TNFRSF10A: variants seen among roughly 807,000 people sequenced by gnomAD.
TNFRSF10A encodes tumor necrosis factor receptor superfamily member 10A.
In TNFRSF10A, 44 loss-of-function variants were observed where a neutral mutation model predicts 42.8. That is an observed-to-expected ratio of 1.03 (90% CI 0.81 to 1.32). TNFRSF10A has a LOEUF of 1.32. TNFRSF10A is among the 40% of genes most tolerant of loss of function. The pLI is 0.00. For missense variants in TNFRSF10A, 680 were observed against 602.0 expected, an observed-to-expected ratio of 1.13 and a Z score of -1.36; for synonymous variants, 259 against 234.2, an observed-to-expected ratio of 1.11 and a Z score of -0.97.
intron 2 of TNFRSF10A, among the ~76,000 whole-genome samples, chr8:23,209,456 A>C (rs962396972): frequency 2.0e-5 from 3 of 152,230 alleles, no homozygotes; most frequent in African/African-American, 7.2e-5. Context: ...GCAGACACTC[A>C]ACACCGGCAC....
intron 9 of TNFRSF10A, among the ~76,000 whole-genome samples, chr8:23,194,343 T>C (rs192683485): frequency 6.6e-6 from 1 of 152,230 alleles, no homozygotes. Context: ...GTGACTTAAG[T>C]AAATCCTTAC....
rs774706934 is a variant in TNFRSF10A at position 23,199,238 on chromosome 8, G to C, written c.1014+28C>G. ...ATGGCCTTCACCCCCTGCCTACAAG[G>C]TCTTGGAGGGGCCTGTCCCCAACTC... On this transcript the variant is annotated intron_variant, in intron 8 of 9. Coordinates refer to ENST00000221132, the MANE Select transcript of TNFRSF10A (RefSeq NM_003844.4). 1.9e-6 allele frequency: 3 copies of C among 1,601,964 alleles called. No individual in the cohort carries two copies. The Admixed American group carries it at 5.0e-5, about 27-fold the overall frequency.
intron 2 of TNFRSF10A, among the ~76,000 whole-genome samples, chr8:23,210,581 C>G (rs764839353): frequency 6.6e-6 from 1 of 152,130 alleles, no homozygotes; most frequent in Non-Finnish European, 1.5e-5. Flanking sequence ...ACTTGGAAGG[C>G]TGAGGCAGGA....
chr8:23,209,189 G>A (rs1454484247), intron 2 of TNFRSF10A, among the ~76,000 whole-genome samples: 2 of 152,224 alleles, frequency 1.3e-5, no homozygotes, highest in Non-Finnish European at 2.9e-5. Flanking sequence ...AAGAATTGAG[G>A]TTTGGGAACC....
At chr8:23,215,497 G>C (rs1195225352) in intron 1 of TNFRSF10A, among the ~76,000 whole-genome samples, 1 of 150,918 alleles carries the variant, frequency 6.6e-6, no homozygotes, top group Non-Finnish European at 1.5e-5. Context: ...GACAGAGCGA[G>C]ACTCCGACTC....
At chr8:23,200,808 G>T in intron 4 of TNFRSF10A, 48 bp from the exon 5 acceptor site, 1 of 1,565,054 alleles carries the variant, frequency 6.4e-7, no homozygotes, top group South Asian at 1.1e-5. Flanking sequence ...TGGAAAGCTG[G>T]CCAGGTGGGA....
At chr8:23,199,514 C>G in intron 7 of TNFRSF10A, 66 bp from the exon 8 acceptor site, 1 of 1,563,266 alleles carries the variant, frequency 6.4e-7, no homozygotes, top group Non-Finnish European at 8.7e-7. Flanking sequence ...CCGTAGGGCA[C>G]GGCTGGACCT....
rs1176855950 is a variant in TNFRSF10A at position 23,201,973 on chromosome 8, C to A, written c.518-54G>T. On this transcript the variant is annotated intron_variant, in intron 3 of 9. Coordinates refer to ENST00000221132, the MANE Select transcript of TNFRSF10A (RefSeq NM_003844.4). ...TGTGTTTCCCTGACGTGTCCCTTGA[C>A]CTTTCCTCACCACCCCAACTCCCTC... 12 of 1,501,522 alleles carry A rather than the reference C, an allele frequency of 8.0e-6. No individual in the cohort carries two copies. The East Asian group carries it at 2.7e-4, about 34-fold the overall frequency. 93.0% of individuals were successfully genotyped at this position (1,501,522 alleles called of 1,614,324 possible).
intron 1 of TNFRSF10A, among the ~76,000 whole-genome samples, chr8:23,221,633 C>T (rs1011110713): frequency 2.6e-5 from 4 of 152,178 alleles, no homozygotes; most frequent in African/African-American, 9.6e-5. Flanking sequence ...CTGGCCCCAG[C>T]CGACCACAGT....
chr8:23,207,952 G>T (rs1801042593), intron 2 of TNFRSF10A, among the ~76,000 whole-genome samples: 1 of 151,812 alleles, frequency 6.6e-6, no homozygotes, highest in African/African-American at 2.4e-5. Context: ...AGAGTGGGGA[G>T]CTGCTGAAAA....
intron 1 of TNFRSF10A, among the ~76,000 whole-genome samples, chr8:23,213,436 CTTTTTTTTTTTTTTTTT>C (rs58691757): frequency 2.9e-5 from 2 of 68,668 alleles, no homozygotes; most frequent in Non-Finnish European, 5.2e-5. Context: ...GTTTGCTCCT[CTTTTTTTTTTTTTTTTT>C]TTTTTTTTTT....
chr8:23,202,505 A>G, intron 3 of TNFRSF10A, 143 bp downstream of exon 3: 1 of 634,484 alleles, frequency 1.6e-6, no homozygotes, highest in Non-Finnish European at 2.9e-6. Context: ...GTTTCATTTT[A>G]TGGACCTAAG....
chr8:23,194,647 G>A (rs1348544208), intron 9 of TNFRSF10A, among the ~76,000 whole-genome samples: 1 of 152,182 alleles, frequency 6.6e-6, no homozygotes, highest in Non-Finnish European at 1.5e-5. Flanking sequence ...GTGAGCACCT[G>A]ATGTTCACTG....
intron 6 of TNFRSF10A, 89 bp from the exon 7 acceptor site, chr8:23,200,006 G>A: frequency 2.0e-6 from 3 of 1,534,406 alleles, no homozygotes; most frequent in Non-Finnish European, 2.7e-6. Flanking sequence ...GGGTGGGCTG[G>A]GGGCTGGGAC....
At chr8:23,212,330 C>G (rs1461329237) in intron 1 of TNFRSF10A, 118 bp from the exon 2 acceptor site, 1 of 861,026 alleles carries the variant, frequency 1.2e-6, no homozygotes, top group African/African-American at 1.7e-5. Context: ...CATCTTTCTC[C>G]CAGTTCTAAA....
chr8:23,199,140 C>T, intron 8 of TNFRSF10A, 126 bp downstream of exon 8: 1 of 1,178,156 alleles, frequency 8.5e-7, no homozygotes, highest in Non-Finnish European at 1.2e-6. Context: ...GCTGCTTTTT[C>T]CCACGCAGCC....
chr8:23,196,440 C>T (rs1800824387), intron 9 of TNFRSF10A, among the ~76,000 whole-genome samples: 1 of 152,138 alleles, frequency 6.6e-6, no homozygotes, highest in South Asian at 2.1e-4. Flanking sequence ...TTGTGATTCG[C>T]CCGCCTCGGC....
chr8:23,212,311 C>A (rs1368151513), intron 1 of TNFRSF10A, 99 bp from the exon 2 acceptor site: 1 of 1,004,332 alleles, frequency 1.0e-6, no homozygotes, highest in Non-Finnish European at 1.6e-6. Context: ...CAAAATTAGA[C>A]AGAACTTGCA....
In TNFRSF10A at chr8:23,199,295, G is replaced by A; in HGVS notation, c.985C>T (p.Gln329Ter). Residue 329 changes from glutamine to a stop codon, truncating the protein, a stop_gained, in exon 8 of 10, where the codon CAG becomes TAG. Coordinates refer to ENST00000221132, the MANE Select transcript of TNFRSF10A (RefSeq NM_003844.4). LOFTEE classifies it high-confidence loss of function. ...EPADLTGVTV[Q>*]SPGEAQCLLG... ...AGACACTGTGCCTCCCCTGGGGACT[G>A]TACAGTGACACCTGTCAAATCTGCC... 1 of 1,614,182 alleles carries A rather than the reference G, an allele frequency of 6.2e-7. No individual in the cohort carries two copies. Among genetic ancestry groups the A allele is most frequent in the Non-Finnish European group, 8.5e-7 (1 of 1,180,022 alleles).
Sources: allele counts gnomAD v4.1 joint callset (sites outside exome capture counted in the v4.1 genomes callset), GRCh38; gene constraint gnomAD v4.1.1; transcripts MANE v1.5; gene names NCBI Gene and HGNC (gene_info 2026-07-23, HGNC 2026-07-21).